Variants in NAALADL2 observed in about 807,000 individuals in gnomAD.
NAALADL2 encodes the protein inactive N-acetylated-alpha-linked acidic dipeptidase-like protein 2.
NAALADL2 carries 76 observed loss-of-function variants against 87.2 expected under a neutral mutation model. The observed-to-expected ratio is 0.87, with a 90% confidence interval of 0.72 to 1.05. The LOEUF is 1.05. Ranked by LOEUF, NAALADL2 falls within the 50% of genes least tolerant of loss-of-function variation. The pLI is 0.00. For missense variants in NAALADL2, 1,089 were observed against 945.8 expected (o/e 1.15, Z -1.99); for synonymous variants, 354 against 331.0 (o/e 1.07, Z -0.75).
At chr3:174,758,584 G>T (rs1254817712) in intron 3 of NAALADL2, among the ~76,000 whole-genome samples, 1 of 152,198 alleles carries the variant, frequency 6.6e-6, no homozygotes, top group African/African-American at 2.4e-5. Context: ...CTCAGGCTTA[G>T]AAGATATTTT....
chr3:174,595,667 C>T (rs1010753699), intron 2 of NAALADL2, among the ~76,000 whole-genome samples: 3 of 152,160 alleles, frequency 2.0e-5, no homozygotes, highest in Non-Finnish European at 2.9e-5. Flanking sequence ...CAGCTTCTCC[C>T]TCTGTTGCTT....
chr3:174,675,117 G>A (rs1311906757), intron 2 of NAALADL2, among the ~76,000 whole-genome samples: 1 of 152,004 alleles, frequency 6.6e-6, no homozygotes, highest in Non-Finnish European at 1.5e-5. Context: ...ATATTAAATT[G>A]CAATTATTGA....
chr3:174,478,111 A>G (rs1717325408), intron 1 of NAALADL2, among the ~76,000 whole-genome samples: 1 of 152,178 alleles, frequency 6.6e-6, no homozygotes, highest in South Asian at 2.1e-4. Flanking sequence ...TATGATACAA[A>G]ATTTAAAATT....
chr3:175,412,228 C>T (rs1370864875), intron 5 of NAALADL2, among the ~76,000 whole-genome samples: 1 of 152,152 alleles, frequency 6.6e-6, no homozygotes, highest in African/African-American at 2.4e-5. Context: ...CCTTTTTATG[C>T]TAAGGATGAC....
chr3:175,749,952 A>C (rs1487367707), intron 12 of NAALADL2, among the ~76,000 whole-genome samples: 1 of 152,186 alleles, frequency 6.6e-6, no homozygotes, highest in Non-Finnish European at 1.5e-5. Context: ...TTCAGAAGGA[A>C]TAAGATTTCT....
At chr3:174,625,405 T>G (rs961666107) in intron 2 of NAALADL2, among the ~76,000 whole-genome samples, 11 of 152,040 alleles carry the variant, frequency 7.2e-5, no homozygotes, top group Non-Finnish European at 2.9e-5. Flanking sequence ...TTCAAATAAT[T>G]ACTTTTTACT....
intron 2 of NAALADL2, among the ~76,000 whole-genome samples, chr3:174,591,642 AT>A (rs1323991468): frequency 6.6e-6 from 1 of 152,170 alleles, no homozygotes; most frequent in Non-Finnish European, 1.5e-5. Context: ...CATTGCAGAA[AT>A]TTTTGATACT....
intron 9 of NAALADL2, among the ~76,000 whole-genome samples, chr3:175,495,182 ATTCTT>A (rs1728647940): frequency 6.6e-6 from 1 of 151,608 alleles, no homozygotes; most frequent in African/African-American, 2.4e-5. Context: ...TATTTATTGA[ATTCTT>A]AAGTGTCCAA....
intron 11 of NAALADL2, among the ~76,000 whole-genome samples, chr3:175,730,503 G>A (rs1354864443): frequency 7.2e-6 from 1 of 138,084 alleles, no homozygotes; most frequent in Non-Finnish European, 1.5e-5. Flanking sequence ...CCTTAACTCT[G>A]TAAATAATCT....
chr3:174,934,661 A>T (rs1737410650), intron 1 of NAALADL2, among the ~76,000 whole-genome samples: 1 of 152,098 alleles, frequency 6.6e-6, no homozygotes, highest in Non-Finnish European at 1.5e-5. Context: ...AAACAAAACA[A>T]CAAAACATAA....
chr3:174,917,357 CA>C (rs552977940), intron 1 of NAALADL2, among the ~76,000 whole-genome samples: 1 of 151,960 alleles, frequency 6.6e-6, no homozygotes, highest in Non-Finnish European at 1.5e-5. Context: ...CATTTTATGG[CA>C]AAAATGTACA....
rs887046028 is a variant in NAALADL2, at chr3:175,237,800, T to G, written c.819+3596T>G. ...GTGTTGTTTTTCTGGGCATGTTGTATGACAATTTCTATTACAGCATATGGG... is the reference window on the plus strand; with the variant it reads ...GTGTTGTTTTTCTGGGCATGTTGTAGGACAATTTCTATTACAGCATATGGG... On this transcript the variant is annotated intron_variant, in intron 3 of 13. Coordinates refer to ENST00000454872, the MANE Select transcript of NAALADL2 (RefSeq NM_207015.3). Among the ~76,000 whole-genome samples the G allele has an allele frequency of 3.6e-4, 55 of 152,294 alleles. 1 individual carries two copies. The highest frequency in any genetic ancestry group is 1.2e-3 in the African/African-American group (48 of 41,582).
chr3:174,796,840 TTTG>T (rs1419492903), intron 3 of NAALADL2, among the ~76,000 whole-genome samples: 3 of 151,950 alleles, frequency 2.0e-5, no homozygotes, highest in South Asian at 4.1e-4. Context: ...ATTTGCCTTT[TTTG>T]TTGTTGTTTT....
In NAALADL2 at chr3:175,314,694, A is replaced by AGTTC. The variant is rs1307164853; in HGVS notation, c.940-9481_940-9480insGTTC. Among the ~76,000 whole-genome samples the AGTTC allele has an allele frequency of 4.8e-3, 399 of 82,730 alleles. 15 individuals are homozygous for AGTTC. Among genetic ancestry groups the AGTTC allele is most frequent in the African/African-American group, 8.2e-3 (162 of 19,652 alleles). 54.3% of individuals were successfully genotyped at this position (82,730 alleles called of 152,430 possible). A position where few individuals can be genotyped will look rare whatever the true frequency, so the allele number is the denominator to read the frequency against. On this transcript the variant is annotated intron_variant, in intron 4 of 13. Coordinates refer to ENST00000454872, the MANE Select transcript of NAALADL2 (RefSeq NM_207015.3). ...TATATATATATATATATATATATAT[A>AGTTC]TATATATATATATATATATATATAT...
intron 1 of NAALADL2, among the ~76,000 whole-genome samples, chr3:175,078,379 G>C (rs1376102137): frequency 6.6e-6 from 1 of 151,926 alleles, no homozygotes; most frequent in African/African-American, 2.4e-5. Flanking sequence ...GCAAAATGCA[G>C]CGCAGCAATA....
At chr3:174,780,661 T>C (rs936717551) in intron 3 of NAALADL2, among the ~76,000 whole-genome samples, 11 of 152,152 alleles carry the variant, frequency 7.2e-5, no homozygotes, top group Admixed American at 7.2e-4. Context: ...GTTCCATCAA[T>C]ACCTAGTTTA....
intron 3 of NAALADL2, among the ~76,000 whole-genome samples, chr3:174,850,276 A>C (rs9832908): frequency 0.36 from 54,778 of 151,926 alleles, 10,170 homozygotes; most frequent in East Asian, 0.48. Context: ...CCAGACATAT[A>C]AGAGCTCCTT....
At chr3:175,070,917 G>A (rs1172382744) in intron 1 of NAALADL2, among the ~76,000 whole-genome samples, 2 of 152,030 alleles carry the variant, frequency 1.3e-5, no homozygotes, top group East Asian at 3.9e-4. Context: ...TTGTGAATTT[G>A]TTGACCTATT....
chr3:175,640,973 A>G (rs1729208720), intron 11 of NAALADL2, among the ~76,000 whole-genome samples: 1 of 152,192 alleles, frequency 6.6e-6, no homozygotes, highest in African/African-American at 2.4e-5. Flanking sequence ...TGCTTTCTCC[A>G]TTCTTTAGCA....
Sources: gnomAD v4.1 joint callset for allele counts (sites outside exome capture counted in the v4.1 genomes callset) on GRCh38, gnomAD v4.1.1 for gene constraint, MANE v1.5 for transcripts, NCBI Gene and HGNC (gene_info 2026-07-23, HGNC 2026-07-21) for gene names.